Variants in P4HA1 observed in about 807,000 individuals in gnomAD.
P4HA1 encodes the protein prolyl 4-hydroxylase subunit alpha-1.
P4HA1 carries 24 observed loss-of-function variants against 72.8 expected under a neutral mutation model. The ratio of observed to expected loss-of-function variants is 0.33; its 90% CI spans 0.24 to 0.46. The LOEUF is 0.46. P4HA1 is among the 20% of genes least tolerant of loss of function. The pLI is 1.00. For missense variants in P4HA1, 446 were observed against 640.6 expected (o/e 0.70, Z 3.28); for synonymous variants, 201 against 218.8 (o/e 0.92, Z 0.72).
intron 7 of P4HA1, among the ~76,000 whole-genome samples, chr10:73,050,036 A>C (rs1001841571): frequency 6.6e-6 from 1 of 151,868 alleles, no homozygotes; most frequent in African/African-American, 2.4e-5. Flanking sequence ...CATGGTGGCG[A>C]ATGCCTGTAG....
At chr10:73,064,986 TTA>T (rs1564632845) in intron 5 of P4HA1, 1 of 152,190 alleles carries the variant, frequency 6.6e-6, no homozygotes, top group Non-Finnish European at 1.5e-5. Context: ...TAAGGGATAA[TTA>T]TGTTTAAAAT....
chr10:73,072,417 A>T (rs1841585383), intron 3 of P4HA1, among the ~76,000 whole-genome samples: 1 of 152,200 alleles, frequency 6.6e-6, no homozygotes, highest in African/African-American at 2.4e-5. Context: ...GGTTACAGTA[A>T]ATGGAACCTC....
At chr10:73,009,948 G>T in intron 13 of P4HA1, 45 bp from the exon 14 acceptor site, 1 of 1,049,446 alleles carries the variant, frequency 9.5e-7, no homozygotes, top group Non-Finnish European at 1.5e-6. Flanking sequence ...ACAATGCCAG[G>T]TAATTGCTTT....
rs564653046 is a variant in P4HA1, at chr10:73,048,917, G to A, written c.901-1816C>T. Among the ~76,000 whole-genome samples, 271 of 152,100 alleles carry A rather than the reference G, an allele frequency of 1.8e-3. 2 individuals carry two copies. Among genetic ancestry groups the A allele is most frequent in the Admixed American group, 4.8e-3 (73 of 15,280 alleles). ...TGGGAGGCCGAGGCAGGCGGATCACGAGGTCAGGAGATCAAGACCATCCTG... is the reference window on the plus strand; with the variant it reads ...TGGGAGGCCGAGGCAGGCGGATCACAAGGTCAGGAGATCAAGACCATCCTG... On this transcript the variant is annotated intron_variant, in intron 7 of 14. Coordinates refer to ENST00000394890, the MANE Select transcript of P4HA1 (RefSeq NM_001017962.3).
chr10:73,060,842 T>C (rs1273488759), intron 5 of P4HA1, among the ~76,000 whole-genome samples: 1 of 152,086 alleles, frequency 6.6e-6, no homozygotes, highest in East Asian at 1.9e-4. Context: ...ATTCATGATA[T>C]GTCATGAAAA....
intron 10 of P4HA1, 42 bp from the exon 11 acceptor site, chr10:73,016,941 G>A (rs753114001): frequency 6.6e-6 from 10 of 1,509,692 alleles, no homozygotes; most frequent in Admixed American, 1.8e-5. Flanking sequence ...GAACTATAAA[G>A]ATTACTATTC....
intron 5 of P4HA1, among the ~76,000 whole-genome samples, chr10:73,058,633 T>TA (rs202201155): frequency 0.011 from 1,633 of 151,700 alleles, 30 homozygotes; most frequent in African/African-American, 0.037. Flanking sequence ...TGACAATAAG[T>TA]AAAAAAAACT....
chr10:73,079,570 C>T (rs1362237044), intron 1 of P4HA1, among the ~76,000 whole-genome samples: 3 of 152,038 alleles, frequency 2.0e-5, no homozygotes, highest in South Asian at 2.1e-4. Flanking sequence ...GGTGAAACCC[C>T]GTCTCTACCA....
intron 9 of P4HA1, among the ~76,000 whole-genome samples, chr10:73,037,546 TATATATATATATATA>T (rs1840611374): frequency 3.7e-5 from 1 of 27,276 alleles, no homozygotes; most frequent in African/African-American, 1.5e-4. Context: ...TATATATATA[TATATATATATATATA>T]TATATATATA....
At chr10:73,019,434 T>C (rs924491251) in intron 10 of P4HA1, among the ~76,000 whole-genome samples, 1 of 151,356 alleles carries the variant, frequency 6.6e-6, no homozygotes, top group African/African-American at 2.4e-5. Context: ...GTAAAGGAAA[T>C]CAACACCTAG....
chr10:73,074,466 A>G (rs1307393697), intron 2 of P4HA1, among the ~76,000 whole-genome samples: 8 of 152,124 alleles, frequency 5.3e-5, no homozygotes, highest in African/African-American at 1.9e-4. Context: ...CAAAATAATA[A>G]TGATAAAATA....
chr10:73,021,755 A>G (rs1840140945), intron 10 of P4HA1, among the ~76,000 whole-genome samples: 1 of 152,204 alleles, frequency 6.6e-6, no homozygotes, highest in Non-Finnish European at 1.5e-5. Flanking sequence ...GCCATGACAG[A>G]CTGTACCTGG....
intron 4 of P4HA1, among the ~76,000 whole-genome samples, chr10:73,071,604 T>C (rs1368756993): frequency 6.6e-6 from 1 of 152,276 alleles, no homozygotes; most frequent in Admixed American, 6.5e-5. Flanking sequence ...TCAGTTTGAT[T>C]GTCCACATTG....
chr10:73,063,544 T>A (rs990186286), intron 5 of P4HA1, among the ~76,000 whole-genome samples: 3 of 152,246 alleles, frequency 2.0e-5, no homozygotes, highest in African/African-American at 7.2e-5. Flanking sequence ...AAGATGCATA[T>A]TAAATTTTGA....
chr10:73,008,286 T>C lies in P4HA1; in HGVS notation c.1541A>G (p.Asn514Ser). The C allele has an allele frequency of 6.3e-7, 1 of 1,579,902 alleles. No homozygotes were observed. The highest frequency in any genetic ancestry group is 8.7e-7 in the Non-Finnish European group (1 of 1,149,322). ...TTGTCCACGTTCATGGAGCCATTTA[T>C]TGGATACTGTGAGAGAAAAGTAATA... ...PVLVGNKWVS[N>S]KWLHERGQEF... Residue 514 changes from asparagine (N) to serine (S), a missense_variant, in exon 15 of 15, where the codon AAT becomes AGT. Transcript: ENST00000394890.
intron 10 of P4HA1, among the ~76,000 whole-genome samples, chr10:73,026,235 A>G (rs1185319901): frequency 6.6e-6 from 1 of 152,248 alleles, no homozygotes; most frequent in Admixed American, 6.5e-5. Context: ...CCAAAATAGC[A>G]TAGTACTGGT....
At chr10:73,040,330 G>T (rs1207259810) in intron 9 of P4HA1, among the ~76,000 whole-genome samples, 1 of 151,540 alleles carries the variant, frequency 6.6e-6, no homozygotes, top group African/African-American at 2.4e-5. Flanking sequence ...TTTTTTTTAA[G>T]TGTATAGATC....
chr10:73,091,082 AAAG>A (rs1433574348), intron 1 of P4HA1, among the ~76,000 whole-genome samples: 57 of 150,704 alleles, frequency 3.8e-4, no homozygotes, highest in Non-Finnish European at 6.5e-4. Context: ...AAAAAAAAAA[AAAG>A]AAGTAACTAA....
At chr10:73,080,937 A>G (rs1254309805) in intron 1 of P4HA1, among the ~76,000 whole-genome samples, 1 of 152,172 alleles carries the variant, frequency 6.6e-6, no homozygotes, top group Admixed American at 6.5e-5. Flanking sequence ...CAAAAACAAA[A>G]ACAAAACAAA....
Sources: allele counts gnomAD v4.1 joint callset (sites outside exome capture counted in the v4.1 genomes callset), GRCh38; gene constraint gnomAD v4.1.1; transcripts MANE v1.5; gene names NCBI Gene and HGNC (gene_info 2026-07-23, HGNC 2026-07-21).